The following LINGO1 variants were observed in gnomAD, a reference collection of about 807,000 sequenced individuals.
LINGO1 encodes the protein leucine-rich repeat and immunoglobulin-like domain-containing nogo receptor-interacting protein 1.
LINGO1 carries 11 observed loss-of-function variants against 37.3 expected under a neutral mutation model. That is an observed-to-expected ratio of 0.29 (90% confidence interval 0.19 to 0.49). The LOEUF (loss-of-function observed/expected upper bound fraction) is 0.49. LINGO1 is among the 20% of genes least tolerant of loss of function. The probability of loss-of-function intolerance (pLI) is 0.99; values close to 1 mark genes in which losing one functional copy is unlikely to be tolerated. For synonymous variants in LINGO1, 387 were observed against 403.0 expected (o/e 0.96, Z 0.48); for missense variants, 585 against 878.2 (o/e 0.67, Z 4.22).
At chr15:77,696,827 C>T (rs575721456), upstream of LINGO1, among the ~76,000 whole-genome samples, 46 of 152,368 alleles carry the variant, frequency 3.0e-4, no homozygotes, top group African/African-American at 9.9e-4. Flanking sequence ...GGACTGGGTA[C>T]CGGGGCCTGC....
Position 77,632,371 on chromosome 15 carries a change from C to A in LINGO1, c.-56G>T. On this transcript the variant is annotated 5_prime_UTR_variant, in exon 1 of 2. Coordinates refer to ENST00000355300, the MANE Select transcript of LINGO1 (RefSeq NM_032808.7). The surrounding 1 kb of genome is among the most constrained non-coding windows in gnomAD (Gnocchi z 6.0). Reference sequence around the variant, plus strand: ...GTCACCAATCGCATGTCTCTCCAGCCGGCCCGACCAGGCCCCAGCCCCTGC... The same window carrying A: ...GTCACCAATCGCATGTCTCTCCAGCAGGCCCGACCAGGCCCCAGCCCCTGC... The A allele has an allele frequency of 7.3e-7, 1 of 1,371,850 alleles. No individual in the cohort carries two copies. The highest frequency in any genetic ancestry group is 3.1e-5 in the East Asian group (1 of 31,924). 85.0% of individuals were successfully genotyped at this position (1,371,850 alleles called of 1,614,324 possible). A position where few individuals can be genotyped will look rare whatever the true frequency, so the allele number is the denominator to read the frequency against.
chr15:77,634,234 T>TC (rs59305775), upstream of LINGO1: 56,573 of 455,866 alleles, frequency 0.12, 8,952 homozygotes, highest in African/African-American at 0.55. Flanking sequence ...ACCTTGTTTC[T>TC]CGCTGTTCAG....
In LINGO1 at chr15:77,798,887, C is replaced by T. The variant is rs77746013; in HGVS notation, c.-457-2834G>A. ...GGACTCTGACAAAGTGGGTTCAGCA[C>T]TGAGTGGGGCTGGCACCCGGTACAC... On this transcript the variant is annotated intron_variant, in intron 1 of 5. Transcript: ENST00000562933. Among the ~76,000 whole-genome samples the T allele has an allele frequency of 2.7e-3, 409 of 152,322 alleles. 3 individuals are homozygous for T. Among genetic ancestry groups the T allele is most frequent in the African/African-American group, 9.4e-3 (389 of 41,572 alleles).
chr15:77,712,822 G>A (rs2075935420), intron 2 of LINGO1, among the ~76,000 whole-genome samples: 2 of 152,134 alleles, frequency 1.3e-5, no homozygotes, highest in South Asian at 2.1e-4. Flanking sequence ...GAGGGGTCTC[G>A]CTGCTGTTAA....
At position 77,727,796 on chromosome 15, in the gene LINGO1, G is replaced by A. The variant is rs181436180; in HGVS notation, c.-195+7196C>T. Among the ~76,000 whole-genome samples, 449 of 151,906 alleles carry A rather than the reference G, an allele frequency of 3.0e-3. 3 individuals carry two copies. Among genetic ancestry groups the A allele is most frequent in the African/African-American group, 0.01 (426 of 41,428 alleles). On this transcript the variant is annotated intron_variant, in intron 2 of 3. Coordinates refer to the LINGO1 transcript ENST00000561686. The stretch of plus-strand genomic sequence containing the variant: ...TGAGCTTCATCCCCATCCTATAGAT[G>A]AGGAAACTAGCACTCAGAGAGGTGA...
In LINGO1 at chr15:77,741,111, G is replaced by A. The variant is rs137880411; in HGVS notation, c.-256-6058C>T. 7.7e-4 allele frequency among the ~76,000 whole-genome samples: 118 copies of A among 152,312 alleles called. 1 individual carries two copies. The highest frequency in any genetic ancestry group is 2.7e-3 in the African/African-American group (113 of 41,588). The stretch of plus-strand genomic sequence containing the variant: ...TGGAGAAGCCCAAACCTAGGCCAGC[G>A]GGGGCAAGAGGCACCTGAAGTGCTT... On this transcript the variant is annotated intron_variant, in intron 1 of 3. Coordinates refer to the LINGO1 transcript ENST00000561686.
At chr15:77,760,196 C>CG (rs2076461437) in intron 1 of LINGO1, among the ~76,000 whole-genome samples, 1 of 151,050 alleles carries the variant, frequency 6.6e-6, no homozygotes, top group South Asian at 2.1e-4. Flanking sequence ...GGGTGCCTGC[C>CG]GGGGTTGGGG....
intron 1 of LINGO1, among the ~76,000 whole-genome samples, chr15:77,748,288 T>C (rs1228781323): frequency 1.3e-5 from 2 of 152,196 alleles, no homozygotes; most frequent in African/African-American, 4.8e-5. Flanking sequence ...CCACCAGAGT[T>C]TGCCAGTGGG....
intron 1 of LINGO1, among the ~76,000 whole-genome samples, chr15:77,738,839 GCCAACTCTA>G (rs2141344704): frequency 6.6e-6 from 1 of 152,178 alleles, no homozygotes; most frequent in East Asian, 1.9e-4. Context: ...AAGGGGCACA[GCCAACTCTA>G]CCAGACTCCG....
At position 77,753,543 on chromosome 15, in the gene LINGO1, G is replaced by T. The variant is rs139716018; in HGVS notation, c.-256-18490C>A. ...TGGAGACAGAGGACTGGGGGTAGGG[G>T]GAGGGAAGTAGGGTGCAGCTGAGAG... On this transcript the variant is annotated intron_variant, in intron 1 of 3. Transcript: ENST00000561686. Among the ~76,000 whole-genome samples, 933 of 152,322 alleles carry T rather than the reference G, an allele frequency of 6.1e-3. 4 individuals carry two copies. The highest frequency in any genetic ancestry group is 0.02 in the Middle Eastern group (6 of 294).
chr15:77,789,711 G>C (rs992551502), upstream of LINGO1, among the ~76,000 whole-genome samples: 21 of 152,200 alleles, frequency 1.4e-4, no homozygotes, highest in African/African-American at 4.6e-4. Flanking sequence ...GCCAAGGAGA[G>C]AGGCCTGAAA....
intron 3 of LINGO1, among the ~76,000 whole-genome samples, chr15:77,670,651 C>T (rs2075232053): frequency 6.6e-6 from 1 of 152,226 alleles, no homozygotes; most frequent in Non-Finnish European, 1.5e-5. Flanking sequence ...TCAGGTGAGG[C>T]CACTGAGGCC....
At chr15:77,652,602 C>T (rs558262595) in intron 3 of LINGO1, among the ~76,000 whole-genome samples, 1 of 152,176 alleles carries the variant, frequency 6.6e-6, no homozygotes, top group South Asian at 2.1e-4. Context: ...CTCACGCCCA[C>T]TCCAGACATA....
chr15:77,747,671 G>C (rs1352850009), intron 1 of LINGO1, among the ~76,000 whole-genome samples: 2 of 152,216 alleles, frequency 1.3e-5, no homozygotes, highest in African/African-American at 4.8e-5. Context: ...AGTGGAAGAA[G>C]GGCCAGAGAA....
chr15:77,745,712 GCAGGCAAGA>G lies in LINGO1; in HGVS notation c.-256-10668_-256-10660del, dbSNP rs1234221641. Among the ~76,000 whole-genome samples the G allele has an allele frequency of 2.0e-5, 3 of 152,142 alleles. No homozygotes were observed. The East Asian group carries it at 5.8e-4, about 29-fold the overall frequency. On this transcript the variant is annotated intron_variant, in intron 1 of 3. Coordinates refer to the LINGO1 transcript ENST00000561686. ...TGCTCATCTCTTCCTCACAACCCTG[GCAGGCAAGA>G]CCAGCCATCTTTATTTCATAGAAGG...
chr15:77,665,631 C>T (rs1429200036), intron 3 of LINGO1, among the ~76,000 whole-genome samples: 1 of 152,246 alleles, frequency 6.6e-6, no homozygotes, highest in African/African-American at 2.4e-5. Flanking sequence ...CACATCCCCT[C>T]CACAGCTAGC....
At chr15:77,714,843 A>T (rs1210923944) in intron 2 of LINGO1, among the ~76,000 whole-genome samples, 1 of 152,202 alleles carries the variant, frequency 6.6e-6, no homozygotes, top group East Asian at 1.9e-4. Flanking sequence ...TGATACCCAG[A>T]TGACTCGATG....
intron 2 of LINGO1, among the ~76,000 whole-genome samples, chr15:77,729,019 C>A (rs535419390): frequency 1.3e-3 from 192 of 152,332 alleles, no homozygotes; most frequent in African/African-American, 4.4e-3. Context: ...AGTGGAAAAC[C>A]CACTCTCTGC....
At chr15:77,795,785 T>G (rs11855944) in intron 2 of LINGO1, among the ~76,000 whole-genome samples, 30,374 of 152,128 alleles carry the variant, frequency 0.2, 3,255 homozygotes, top group African/African-American at 0.28. Context: ...TTCAGCCAGG[T>G]CTGGCAGCAA....
Sources: gnomAD v4.1 joint callset for allele counts (sites outside exome capture counted in the v4.1 genomes callset) on GRCh38, gnomAD v4.1.1 for gene constraint, Gnocchi (gnomAD v3.1) non-coding constraint, MANE v1.5 for transcripts, NCBI Gene and HGNC (gene_info 2026-07-23, HGNC 2026-07-21) for gene names.